Variants in PPM1F observed in about 807,000 individuals in gnomAD.
PPM1F encodes the protein protein phosphatase 1F.
Under a neutral mutation model 35.5 loss-of-function variants are expected in PPM1F, and 17 were observed. That is an observed-to-expected ratio of 0.48 (90% CI 0.33 to 0.72). The LOEUF is 0.72. PPM1F is among the 30% of genes least tolerant of loss of function. The pLI, the probability that PPM1F is intolerant of heterozygous loss-of-function variation, is 0.02. For synonymous variants in PPM1F, 241 were observed against 255.5 expected (o/e 0.94, Z 0.54); for missense variants, 521 against 613.0 (o/e 0.85, Z 1.59).
At chr22:21,940,276 C>G (rs2070710295) in intron 2 of PPM1F, among the ~76,000 whole-genome samples, 1 of 152,102 alleles carries the variant, frequency 6.6e-6, no homozygotes, top group Non-Finnish European at 1.5e-5. Context: ...AGTTTGAGAC[C>G]AGCCTGGCCA....
chr22:21,927,937 GTTTTGTTT>G lies in PPM1F; in HGVS notation c.892-2283_892-2276del, dbSNP rs1285324414. On this transcript the variant is annotated intron_variant, in intron 6 of 7. Coordinates refer to ENST00000263212, the MANE Select transcript of PPM1F (RefSeq NM_014634.4). Reference sequence around the variant, plus strand: ...TCACTGATTCTTGATTCTGTTTTTTGTTTTGTTTTTTTTTTTTTTTTTTTTTTTTTTTT... The same window carrying G: ...TCACTGATTCTTGATTCTGTTTTTTGTTTTTTTTTTTTTTTTTTTTTTTTT... 1.8e-3 allele frequency among the ~76,000 whole-genome samples: 123 copies of G among 68,096 alleles called. 1 individual carries two copies. Among genetic ancestry groups the G allele is most frequent in the African/African-American group, 7.4e-3 (114 of 15,462 alleles). The allele number at this position is 68,096 out of a possible 152,430, so 44.7% of individuals were successfully genotyped here.
intron 6 of PPM1F, among the ~76,000 whole-genome samples, chr22:21,928,181 G>A (rs530945341): frequency 1.3e-5 from 2 of 152,108 alleles, no homozygotes; most frequent in Non-Finnish European, 2.9e-5. Flanking sequence ...TGGAGCCGGT[G>A]GCCTGTGGGT....
chr22:21,924,191 A>C (rs1461887288), intron 7 of PPM1F, among the ~76,000 whole-genome samples: 1 of 151,428 alleles, frequency 6.6e-6, no homozygotes. Context: ...ACCAGGAAGG[A>C]GGTGTGGTCA....
chr22:21,923,588 G>A (rs1387008180), intron 7 of PPM1F, 117 bp from the exon 8 acceptor site: 2 of 1,150,478 alleles, frequency 1.7e-6, no homozygotes, highest in Non-Finnish European at 2.4e-6. Context: ...GCTCTCATGG[G>A]GTCTGGGGTC....
At chr22:21,932,221 G>A (rs1488564885) in intron 5 of PPM1F, among the ~76,000 whole-genome samples, 3 of 151,920 alleles carry the variant, frequency 2.0e-5, no homozygotes, top group Non-Finnish European at 1.5e-5. Flanking sequence ...CCAAAGTGCC[G>A]GGATTACAGG....
chr22:21,927,461 C>T (rs1041650318), intron 6 of PPM1F, among the ~76,000 whole-genome samples: 1 of 152,230 alleles, frequency 6.6e-6, no homozygotes, highest in African/African-American at 2.4e-5. Context: ...GTCTCCCACA[C>T]ACCCCAGCCC....
intron 3 of PPM1F, chr22:21,938,723 T>C (rs2145802228): frequency 6.9e-6 from 3 of 437,378 alleles, no homozygotes; most frequent in Non-Finnish European, 9.2e-6. Flanking sequence ...GCTACCCCCT[T>C]GTGGCACCCC....
In PPM1F at chr22:21,938,196, C is replaced by T. The variant is rs529305886; in HGVS notation, c.355+1336G>A. On this transcript the variant is annotated intron_variant, in intron 3 of 7. Transcript: ENST00000263212. The stretch of plus-strand genomic sequence containing the variant: ...GGCTGGTGCCGGCGCAGCAACGCTC[C>T]TTCTCACCGGCAGGTGGCGCTGTCT... 42 of 1,303,406 alleles carry T rather than the reference C, an allele frequency of 3.2e-5. No individual in the cohort carries two copies. In the East Asian group the frequency reaches 1.9e-3, roughly 59 times the overall value. 80.7% of individuals were successfully genotyped at this position (1,303,406 alleles called of 1,614,324 possible).
intron 3 of PPM1F, chr22:21,938,772 C>G (rs1041875394): frequency 5.8e-6 from 1 of 172,346 alleles, no homozygotes; most frequent in African/African-American, 2.4e-5. Flanking sequence ...TATTTCTGGT[C>G]TAACATCAAC....
chr22:21,928,593 G>GT (rs1432881266), intron 6 of PPM1F, among the ~76,000 whole-genome samples: 1 of 151,868 alleles, frequency 6.6e-6, no homozygotes, highest in East Asian at 1.9e-4. Context: ...GCTTGTTTTT[G>GT]TTTTTTGAAG....
intron 7 of PPM1F, among the ~76,000 whole-genome samples, chr22:21,923,772 G>A (rs371529459): frequency 4.6e-5 from 7 of 152,072 alleles, no homozygotes; most frequent in African/African-American, 1.7e-4. Flanking sequence ...CTGCCTCCTG[G>A]GTTCAAGCGA....
intron 6 of PPM1F, among the ~76,000 whole-genome samples, chr22:21,930,407 T>A (rs1170968493): frequency 6.6e-6 from 1 of 152,100 alleles, no homozygotes; most frequent in East Asian, 1.9e-4. Context: ...ACAAAGTAGG[T>A]AGAGATGCAT....
At position 21,923,269 on chromosome 22, in the gene PPM1F, C is replaced by G. The variant is rs1048432229; in HGVS notation, c.1188G>C (p.Ala396=). 2 of 1,613,416 alleles carry G rather than the reference C, an allele frequency of 1.2e-6. No homozygotes were observed. Among genetic ancestry groups the G allele is most frequent in the Non-Finnish European group, 8.5e-7 (1 of 1,179,956 alleles). Residue 396 remains alanine (A), a synonymous_variant, in exon 8 of 8, where the codon GCG becomes GCC. Coordinates refer to ENST00000263212, the MANE Select transcript of PPM1F (RefSeq NM_014634.4). ...TGTCGTGGGAGCCCCGCTCCCGGGC[C>G]GCAGCCACCAGCTCCTCGGCGACAC... ...GLRVAEELVA[A]ARERGSHDNI...
At chr22:21,938,187 G>T in intron 3 of PPM1F, 1 of 1,303,350 alleles carries the variant, frequency 7.7e-7, no homozygotes. Flanking sequence ...TGCCGGCGCA[G>T]CAACGCTCCT....
rs544629294 is a variant in PPM1F at position 21,933,187 on chromosome 22, C to T, written c.747+204G>A. On this transcript the variant is annotated intron_variant, in intron 5 of 7. Coordinates refer to ENST00000263212, the MANE Select transcript of PPM1F (RefSeq NM_014634.4). ...CAGGCAGGTCTGTGTGGCTGAGAGG[C>T]CCACCATGCTGGGTCGGGGCAGGCT... Among the ~76,000 whole-genome samples the T allele has an allele frequency of 5.9e-5, 9 of 152,346 alleles. No individual in the cohort carries two copies. In the East Asian group the frequency reaches 1.5e-3, roughly 26 times the overall value.
chr22:21,939,693 AG>A lies in PPM1F; in HGVS notation c.207-14del. ...TGGCGGGGCCTTCCTAGGGATGAGG[AG>A]GGGGAAGTGAGGGGCAGCCCCCAGC... On this transcript the variant is annotated splice_polypyrimidine_tract_variant and intron_variant, in intron 2 of 7. Transcript: ENST00000263212. This position sits in a 1 kb window ranked among gnomAD's most constrained non-coding sequence, Gnocchi z 5.1. 6.4e-7 allele frequency: 1 copy of A among 1,551,444 alleles called. No individual in the cohort carries two copies.
Position 21,939,604 on chromosome 22 carries a change from A to AT in PPM1F, c.282dup (p.Phe95IlefsTer16). ...TCTTCCTCCCTGGGCAACTTCCTGAATTCGGAAAGGTCTGTCTGTAGCAGC... is the reference window on the plus strand; with the variant it reads ...TCTTCCTCCCTGGGCAACTTCCTGAATTTCGGAAAGGTCTGTCTGTAGCAGC... On this transcript the variant is annotated frameshift_variant, in exon 3 of 8. Transcript: ENST00000263212. LOFTEE classifies it high-confidence loss of function. This position sits in a 1 kb window ranked among gnomAD's most constrained non-coding sequence, Gnocchi z 5.1. 1.3e-6 allele frequency: 2 copies of AT among 1,564,960 alleles called. No homozygotes were observed. Among genetic ancestry groups the AT allele is most frequent in the Non-Finnish European group, 1.7e-6 (2 of 1,153,420 alleles).
chr22:21,933,997 C>T, intron 4 of PPM1F, 27 bp downstream of exon 4: 1 of 1,523,758 alleles, frequency 6.6e-7, no homozygotes, highest in Non-Finnish European at 8.9e-7. Flanking sequence ...CCGAAGCTGT[C>T]CCCAGGGTCT....
At chr22:21,928,988 T>C (rs1271881441) in intron 6 of PPM1F, among the ~76,000 whole-genome samples, 1 of 152,026 alleles carries the variant, frequency 6.6e-6, no homozygotes, top group African/African-American at 2.4e-5. Flanking sequence ...CTGAACTGAG[T>C]GCAGAGGCAG....
Sources: allele counts gnomAD v4.1 joint callset (sites outside exome capture counted in the v4.1 genomes callset), GRCh38; gene constraint gnomAD v4.1.1; non-coding constraint Gnocchi (gnomAD v3.1); transcripts MANE v1.5; gene names NCBI Gene and HGNC (gene_info 2026-07-23, HGNC 2026-07-21).